FUBP1: variants seen among roughly 807,000 people sequenced by gnomAD.
FUBP1 encodes the protein far upstream element binding protein 1.
Under a neutral mutation model 94.9 loss-of-function variants are expected in FUBP1, and 16 were observed. The ratio of observed to expected loss-of-function variants is 0.17; its 90% confidence interval spans 0.11 to 0.26. The LOEUF is 0.26. Ranked by LOEUF, FUBP1 falls within the 10% of genes least tolerant of loss-of-function variation. The probability of loss-of-function intolerance (pLI) is 1.00; values close to 1 mark genes in which losing one functional copy is unlikely to be tolerated. For missense variants in FUBP1, 583 were observed against 808.6 expected (o/e 0.72, Z 3.38); for synonymous variants, 279 against 254.9 (o/e 1.09, Z -0.90).
At chr1:77,957,763 CA>C (rs1654737669) in intron 16 of FUBP1, among the ~76,000 whole-genome samples, 2 of 151,478 alleles carry the variant, frequency 1.3e-5, no homozygotes, top group Admixed American at 6.6e-5. Context: ...CTCAATTGCC[CA>C]ATGTACTGCT....
intron 18 of FUBP1, among the ~76,000 whole-genome samples, chr1:77,952,368 GTTTTT>G (rs200503134): frequency 7.0e-6 from 1 of 143,076 alleles, no homozygotes; most frequent in South Asian, 2.2e-4. Flanking sequence ...GTTTTCAATA[GTTTTT>G]TTTTTTTTTC....
In FUBP1 at chr1:77,944,625, A is replaced by T. The variant is rs1182933676; in HGVS notation, c.*4141T>A. Among the ~76,000 whole-genome samples, 1 of 151,986 alleles carries T rather than the reference A, an allele frequency of 6.6e-6. No individual in the cohort carries two copies. Among genetic ancestry groups the T allele is most frequent in the African/African-American group, 2.4e-5 (1 of 41,442 alleles). On this transcript the variant is annotated 3_prime_UTR_variant, in exon 20 of 20. Coordinates refer to ENST00000370768, the MANE Select transcript of FUBP1 (RefSeq NM_003902.5). Reference sequence around the variant, plus strand: ...ACTCTACATCATTATTCTACACAACAGATAACTTTCTAAGTACAGCTGATT... The same window carrying T: ...ACTCTACATCATTATTCTACACAACTGATAACTTTCTAAGTACAGCTGATT...
intron 7 of FUBP1, 65 bp downstream of exon 7, chr1:77,966,629 G>A: frequency 2.4e-6 from 2 of 824,208 alleles, no homozygotes; most frequent in East Asian, 2.4e-5. Flanking sequence ...ACAAAGAGAA[G>A]AGACAAAATT....
chr1:77,960,853 T>G, intron 14 of FUBP1: 1 of 208,762 alleles, frequency 4.8e-6, no homozygotes, highest in Admixed American at 5.7e-5. Context: ...GGTCCTTATC[T>G]TCAGCTCTTC....
intron 16 of FUBP1, among the ~76,000 whole-genome samples, chr1:77,957,552 C>A (rs1427105704): frequency 6.6e-6 from 1 of 152,148 alleles, no homozygotes; most frequent in Non-Finnish European, 1.5e-5. Flanking sequence ...CCAGAAAAAA[C>A]TTGATTGTCT....
chr1:77,960,100 T>C lies in FUBP1; in HGVS notation c.1576+84A>G, dbSNP rs532784032. 16 of 965,500 alleles carry C rather than the reference T, an allele frequency of 1.7e-5. No individual in the cohort carries two copies. In the African/African-American group the frequency reaches 2.3e-4, roughly 14 times the overall value. The allele number at this position is 965,500 out of a possible 1,614,324, so 59.8% of individuals were successfully genotyped here. On this transcript the variant is annotated intron_variant, in intron 16 of 19. Transcript: ENST00000370768. ...AGTGAGTGAAGGTGATGCATACAAA[T>C]GTAGAATCAACACTAGAAAATTTAA... is the stretch of plus-strand genomic sequence containing the variant.
chr1:77,955,535 C>G, intron 17 of FUBP1: 1 of 482,948 alleles, frequency 2.1e-6, no homozygotes. Flanking sequence ...AGAAAACCAA[C>G]CTGTTTGAAG....
chr1:77,968,565 T>C (rs1244401928), intron 2 of FUBP1, among the ~76,000 whole-genome samples: 2 of 150,542 alleles, frequency 1.3e-5, no homozygotes, highest in Non-Finnish European at 3.0e-5. Flanking sequence ...AACTGAAGAC[T>C]GGGGGGAGAA....
In FUBP1 at chr1:77,946,676, A is replaced by C; in HGVS notation, c.*2090T>G. On this transcript the variant is annotated 3_prime_UTR_variant, in exon 20 of 20. Transcript: ENST00000370768. ...CTCCAATTTGTGAATTATGATACTG[A>C]ATTCAACTGAACTACTTCTTCAGTT... 2 of 204,880 alleles carry C rather than the reference A, an allele frequency of 9.8e-6. No individual in the cohort carries two copies. The highest frequency in any genetic ancestry group is 1.0e-5 in the Non-Finnish European group (1 of 99,686). 12.7% of individuals were successfully genotyped at this position (204,880 alleles called of 1,614,324 possible).
At chr1:77,975,341 G>A (rs529313909) in intron 1 of FUBP1, among the ~76,000 whole-genome samples, 2 of 151,990 alleles carry the variant, frequency 1.3e-5, no homozygotes, top group Admixed American at 6.6e-5. Context: ...CACAAGCCTT[G>A]CTAAACTGTC....
intron 18 of FUBP1, among the ~76,000 whole-genome samples, chr1:77,950,551 A>G (rs1653243005): frequency 6.6e-6 from 1 of 152,230 alleles, no homozygotes; most frequent in African/African-American, 2.4e-5. Context: ...CATACAGCAA[A>G]CTTTTAAAAA....
intron 1 of FUBP1, 92 bp from the exon 2 acceptor site, chr1:77,970,107 G>A (rs1439075300): frequency 1.9e-6 from 1 of 536,812 alleles, no homozygotes; most frequent in African/African-American, 2.0e-5. Context: ...ATGTATATGT[G>A]AAATATTTAG....
At chr1:77,967,481 A>C (rs1350597936) in intron 4 of FUBP1, 146 bp downstream of exon 4, 2 of 607,768 alleles carry the variant, frequency 3.3e-6, no homozygotes, top group Non-Finnish European at 5.7e-6. Flanking sequence ...TCATCACTTT[A>C]TGGTACCTTC....
At chr1:77,960,721 A>C in intron 14 of FUBP1, 1 of 414,590 alleles carries the variant, frequency 2.4e-6, no homozygotes, top group East Asian at 4.3e-5. Flanking sequence ...ATGCAATTTA[A>C]ATTAAATTAA....
In FUBP1 at chr1:77,970,163, T is replaced by C. The variant is rs1379734176; in HGVS notation, c.121-148A>G. 50 of 446,806 alleles carry C rather than the reference T, an allele frequency of 1.1e-4. 1 individual carries two copies. Among genetic ancestry groups the C allele is most frequent in the Non-Finnish European group, 2.0e-5 (5 of 250,936 alleles). The allele number at this position is 446,806 out of a possible 1,614,324, so 27.7% of individuals were successfully genotyped here. A position where few individuals can be genotyped will look rare whatever the true frequency, so the allele number is the denominator to read the frequency against. ...TTGAAAAATTAAAATTATAGTTCAATTTATTGCTACCATTAATACTTCAGG... is the reference window on the plus strand; with the variant it reads ...TTGAAAAATTAAAATTATAGTTCAACTTATTGCTACCATTAATACTTCAGG... On this transcript the variant is annotated intron_variant, in intron 1 of 19. Coordinates refer to ENST00000370768, the MANE Select transcript of FUBP1 (RefSeq NM_003902.5).
chr1:77,948,372 TTAAA>T lies in FUBP1; in HGVS notation c.*390_*393del. On this transcript the variant is annotated 3_prime_UTR_variant, in exon 20 of 20. Coordinates refer to ENST00000370768, the MANE Select transcript of FUBP1 (RefSeq NM_003902.5). The stretch of plus-strand genomic sequence containing the variant: ...TCATTGCTAAGAAATTATGAATCCT[TTAAA>T]TACCCACATATCCAACTTACCGACA... The T allele has an allele frequency of 9.4e-7, 1 of 1,061,470 alleles. No individual in the cohort carries two copies. The highest frequency in any genetic ancestry group is 1.1e-6 in the Non-Finnish European group (1 of 873,152). The allele number at this position is 1,061,470 out of a possible 1,614,324, so 65.8% of individuals were successfully genotyped here.
In FUBP1 at chr1:77,964,970, T is replaced by C. The variant is rs1327700988; in HGVS notation, c.637-2A>G. On this transcript the variant is annotated splice_acceptor_variant, in intron 8 of 19. Coordinates refer to ENST00000370768, the MANE Select transcript of FUBP1 (RefSeq NM_003902.5). LOFTEE classifies it high-confidence loss of function. ...AACCATTTTAACTCCAGCCCGTTCC[T>C]GTTACAATCATAGAAATAATATATA... 1.2e-6 allele frequency: 2 copies of C among 1,608,780 alleles called. No homozygotes were observed. Among genetic ancestry groups the C allele is most frequent in the Non-Finnish European group, 8.5e-7 (1 of 1,175,254 alleles).
At chr1:77,979,206 G>A (rs558792681), upstream of FUBP1, 2 of 575,190 alleles carry the variant, frequency 3.5e-6, no homozygotes, top group South Asian at 2.3e-5. Flanking sequence ...GAGAAAGAAC[G>A]ACAGGAACAG....
chr1:77,973,097 G>A (rs1445678987), intron 1 of FUBP1, among the ~76,000 whole-genome samples: 1 of 151,604 alleles, frequency 6.6e-6, no homozygotes, highest in African/African-American at 2.4e-5. Flanking sequence ...CAATTCCTAG[G>A]TGACTACAAG....
Sources: allele counts gnomAD v4.1 joint callset (sites outside exome capture counted in the v4.1 genomes callset), GRCh38; gene constraint gnomAD v4.1.1; transcripts MANE v1.5; gene names NCBI Gene and HGNC (gene_info 2026-07-23, HGNC 2026-07-21).